The following DDR1 variants were observed in gnomAD, a reference collection of about 807,000 sequenced individuals.
DDR1 encodes the protein discoidin domain receptor tyrosine kinase 1, also known as epithelial discoidin domain-containing receptor 1.
Under a neutral mutation model 97.4 loss-of-function variants are expected in DDR1, and 64 were observed. The observed-to-expected ratio is 0.66, with a 90% CI of 0.54 to 0.81. The LOEUF is 0.81. DDR1 is among the 30% of genes least tolerant of loss of function. The pLI is 0.00. For synonymous variants in DDR1, 458 were observed against 503.7 expected (o/e 0.91, Z 1.21); for missense variants, 990 against 1,259.6 (o/e 0.79, Z 3.24).
At chr6:30,899,073 G>C (rs770720488) in intron 17 of DDR1, 36 bp downstream of exon 17, 30 of 1,613,998 alleles carry the variant, frequency 1.9e-5, no homozygotes, top group Non-Finnish European at 2.4e-5. Context: ...GGTCCGAGGC[G>C]GGGGACAGAA....
chr6:30,882,093 G>T (rs1268356799), upstream of DDR1: 1 of 152,548 alleles, frequency 6.6e-6, no homozygotes, highest in Non-Finnish European at 1.5e-5. The surrounding 1 kb of genome is among the most constrained non-coding windows in gnomAD (Gnocchi z 4.8). Flanking sequence ...TCCTCCAGAG[G>T]CAGCTGCAGC....
rs1167429962 is a variant in DDR1 at position 30,898,982 on chromosome 6, C to T, written c.2546C>T (p.Thr849Ile). 6.2e-7 allele frequency: 1 copy of T among 1,614,132 alleles called. No homozygotes were observed. The highest frequency in any genetic ancestry group is 8.5e-7 in the Non-Finnish European group (1 of 1,180,012). The part of the protein sequence containing the change: ...LCRAQPFGQL[T>I]DEQVIENAGE... ...AGGGCCCAGCCCTTTGGGCAGCTCA[C>T]CGACGAGCAGGTCATCGAGAACGCG... The change falls in exon 17 of 18, where the codon ACC becomes ATC. Residue 849 changes from threonine to isoleucine, a missense_variant. Physicochemically the swap from Thr to Ile is moderately conservative, Grantham distance 89. Coordinates refer to ENST00000376568, the MANE Select transcript of DDR1 (RefSeq NM_001297654.2).
Position 30,889,116 on chromosome 6 carries a change from G to A in DDR1, c.189-86G>A, listed in dbSNP as rs1392331656. On this transcript the variant is annotated intron_variant, in intron 3 of 17. Transcript: ENST00000376568. This position sits in a 1 kb window ranked among gnomAD's most constrained non-coding sequence, Gnocchi z 4.9. ...CATGCCAGTGAAACCCCTGCAGGCTGAGGGGGCAAATGAAGTGGGGTTTAA... is the reference window on the plus strand; with the variant it reads ...CATGCCAGTGAAACCCCTGCAGGCTAAGGGGGCAAATGAAGTGGGGTTTAA... 6.3e-7 allele frequency: 1 copy of A among 1,578,370 alleles called. No individual in the cohort carries two copies. The highest frequency in any genetic ancestry group is 1.3e-5 in the African/African-American group (1 of 74,198).
In DDR1 at chr6:30,889,533, C is replaced by T. The variant is rs866563288; in HGVS notation, c.417+103C>T. ...CTGACGACTCTCCAGTTTATATCAT[C>T]TCCAGACTAAGCCTCTCAGCTGAGC... is the stretch of plus-strand genomic sequence containing the variant. On this transcript the variant is annotated intron_variant, in intron 4 of 17. Coordinates refer to ENST00000376568, the MANE Select transcript of DDR1 (RefSeq NM_001297654.2). This position sits in a 1 kb window ranked among gnomAD's most constrained non-coding sequence, Gnocchi z 4.9. 41 of 833,006 alleles carry T rather than the reference C, an allele frequency of 4.9e-5. No homozygotes were observed. The Middle Eastern group carries it at 1.1e-3, about 21-fold the overall frequency. 51.6% of individuals were successfully genotyped at this position (833,006 alleles called of 1,614,324 possible). A position where few individuals can be genotyped will look rare whatever the true frequency, so the allele number is the denominator to read the frequency against.
intron 12 of DDR1, 51 bp downstream of exon 12, chr6:30,895,565 G>T: frequency 8.1e-7 from 1 of 1,237,608 alleles, no homozygotes; most frequent in Non-Finnish European, 1.1e-6. Flanking sequence ...CCTCTACTGG[G>T]GCAGGGAAAA....
At chr6:30,893,496 C>T in intron 10 of DDR1, 73 bp downstream of exon 10, 2 of 1,528,504 alleles carry the variant, frequency 1.3e-6, no homozygotes, top group Non-Finnish European at 8.7e-7. Context: ...CCAGTGGGAC[C>T]TGCAGGGCAC....
In DDR1 at chr6:30,889,710, C is replaced by T. The variant is rs938023226; in HGVS notation, c.417+280C>T. 4.6e-5 allele frequency among the ~76,000 whole-genome samples: 7 copies of T among 151,774 alleles called. No individual in the cohort carries two copies. Among genetic ancestry groups the T allele is most frequent in the Non-Finnish European group, 8.8e-5 (6 of 67,966 alleles). On this transcript the variant is annotated intron_variant, in intron 4 of 17. Coordinates refer to ENST00000376568, the MANE Select transcript of DDR1 (RefSeq NM_001297654.2). The surrounding 1 kb of genome is among the most constrained non-coding windows in gnomAD (Gnocchi z 4.9). The stretch of plus-strand genomic sequence containing the variant: ...CCTCCCACCTTAGCCTCCCAAAGTG[C>T]TGGGATTACAAGCACTGTAGCCAGC...
intron 1 of DDR1, chr6:30,885,696 T>C: frequency 7.6e-7 from 1 of 1,311,562 alleles, no homozygotes; most frequent in South Asian, 1.2e-5. Context: ...GACGGGTTGA[T>C]GTATGCATGA....
chr6:30,891,856 T>A lies in DDR1; in HGVS notation c.666-146T>A. ...GGAGAGAGGAGAAGGGCCAGCTGCA[T>A]GAGTGTGAGGTGGGATGGGAATGGG... On this transcript the variant is annotated intron_variant, in intron 6 of 17. Transcript: ENST00000376568. This position sits in a 1 kb window ranked among gnomAD's most constrained non-coding sequence, Gnocchi z 5.3. 1 of 855,354 alleles carries A rather than the reference T, an allele frequency of 1.2e-6. No individual in the cohort carries two copies. Among genetic ancestry groups the A allele is most frequent in the South Asian group, 1.6e-5 (1 of 63,984 alleles). The allele number at this position is 855,354 out of a possible 1,614,324, so 53.0% of individuals were successfully genotyped here. A position where few individuals can be genotyped will look rare whatever the true frequency, so the allele number is the denominator to read the frequency against.
chr6:30,893,417 C>T lies in DDR1; in HGVS notation c.1341C>T (p.Leu447=), dbSNP rs764892447. 2 of 1,603,132 alleles carry T rather than the reference C, an allele frequency of 1.2e-6. No homozygotes were observed. The highest frequency in any genetic ancestry group is 1.7e-6 in the Non-Finnish European group (2 of 1,179,416). Residue 447 remains leucine, a synonymous_variant, in exon 10 of 18, where the codon CTC becomes CTT. Coordinates refer to ENST00000376568, the MANE Select transcript of DDR1 (RefSeq NM_001297654.2). The part of the protein sequence containing the change: ...MLWRLHWRRL[L]SKAERRVLEE... Reference sequence around the variant, plus strand: ...GGCGGCTGCACTGGCGCAGGCTCCTCAGCAAGGTGGGCACAGCCGTGGCAT... The same window carrying T: ...GGCGGCTGCACTGGCGCAGGCTCCTTAGCAAGGTGGGCACAGCCGTGGCAT...
Position 30,895,384 on chromosome 6 carries a change from C to A in DDR1, c.1514-20C>A. 6.3e-7 allele frequency: 1 copy of A among 1,590,992 alleles called. No individual in the cohort carries two copies. The highest frequency in any genetic ancestry group is 8.6e-7 in the Non-Finnish European group (1 of 1,164,508). On this transcript the variant is annotated intron_variant, in intron 11 of 17. Coordinates refer to ENST00000376568, the MANE Select transcript of DDR1 (RefSeq NM_001297654.2). ...AGTCTCATCCCTTCCCCGTGTTTCC[C>A]CTCCTCCTTCTCCCGACAGCGTTGC...
intron 1 of DDR1, among the ~76,000 whole-genome samples, chr6:30,887,481 C>G (rs1017556679): frequency 2.0e-5 from 3 of 152,162 alleles, no homozygotes; most frequent in African/African-American, 7.2e-5. Context: ...GACGTACACA[C>G]AGGTATATAT....
Position 30,894,263 on chromosome 6 carries a change from CA to C in DDR1, c.1348-233del, listed in dbSNP as rs540154523. 3.8e-4 allele frequency among the ~76,000 whole-genome samples: 56 copies of C among 146,502 alleles called. No individual in the cohort carries two copies. Among genetic ancestry groups the C allele is most frequent in the African/African-American group, 1.2e-3 (50 of 40,064 alleles). ...ATTCCATCTCAAAAAAACAAACAAA[CA>C]AAAAAAAAACGGTTGATAGTTATGG... On this transcript the variant is annotated intron_variant, in intron 10 of 17. Transcript: ENST00000376568. This position sits in a 1 kb window ranked among gnomAD's most constrained non-coding sequence, Gnocchi z 5.7.
In DDR1 at chr6:30,898,090, A is replaced by T. The variant is rs775002417; in HGVS notation, c.2234A>T (p.His745Leu). ...CTTCTCAGCTACCCAATGCTGCTGC[A>T]TGTGGCAGCCCAGATCGCCTCCGGC... Reference protein sequence around the residue: ...GPTISYPMLLHVAAQIASGMR... With the variant: ...GPTISYPMLLLVAAQIASGMR... The change falls in exon 16 of 18, where the codon CAT becomes CTT. Residue 745 changes from histidine to leucine, a missense_variant. By Grantham distance (99) the His-to-Leu change is moderately conservative (BLOSUM62 -3). Transcript: ENST00000376568. 1 of 1,614,044 alleles carries T rather than the reference A, an allele frequency of 6.2e-7. No individual in the cohort carries two copies. The highest frequency in any genetic ancestry group is 1.1e-5 in the South Asian group (1 of 91,086).
rs1785144461 is a variant in DDR1 at position 30,884,755 on chromosome 6, C to T, written c.-43+45C>T. 1 of 164,750 alleles carries T rather than the reference C, an allele frequency of 6.1e-6. No individual in the cohort carries two copies. Among genetic ancestry groups the T allele is most frequent in the African/African-American group, 2.4e-5 (1 of 41,788 alleles). The allele number at this position is 164,750 out of a possible 1,614,324, so 10.2% of individuals were successfully genotyped here. ...AACCCGCGGGCGGAGGCCTGGGGCT[C>T]TTGGGGTGGGGGCGCGCGGCGGCGC... On this transcript the variant is annotated intron_variant, in intron 1 of 17. Coordinates refer to ENST00000376568, the MANE Select transcript of DDR1 (RefSeq NM_001297654.2). The surrounding 1 kb of genome is among the most constrained non-coding windows in gnomAD (Gnocchi z 6.1).
intron 15 of DDR1, 69 bp from the exon 16 acceptor site, chr6:30,898,002 GCT>G (rs1388574524): frequency 1.6e-6 from 2 of 1,238,156 alleles, no homozygotes; most frequent in Non-Finnish European, 2.3e-6. Flanking sequence ...CGGGGAGTGG[GCT>G]CTCTCTCCTC....
At position 30,889,536 on chromosome 6, in the gene DDR1, C is replaced by T; in HGVS notation, c.417+106C>T. 1.3e-6 allele frequency: 1 copy of T among 793,736 alleles called. No homozygotes were observed. Among genetic ancestry groups the T allele is most frequent in the Non-Finnish European group, 1.9e-6 (1 of 528,930 alleles). 49.2% of individuals were successfully genotyped at this position (793,736 alleles called of 1,614,324 possible). On this transcript the variant is annotated intron_variant, in intron 4 of 17. Transcript: ENST00000376568. This position sits in a 1 kb window ranked among gnomAD's most constrained non-coding sequence, Gnocchi z 4.9. The stretch of plus-strand genomic sequence containing the variant: ...ACGACTCTCCAGTTTATATCATCTC[C>T]AGACTAAGCCTCTCAGCTGAGCTCC...
At chr6:30,898,736 G>C (rs1791849545) in intron 16 of DDR1, 152 bp from the exon 17 acceptor site, 6 of 799,928 alleles carry the variant, frequency 7.5e-6, no homozygotes, top group Non-Finnish European at 1.2e-5. Context: ...AGTTGGAAAA[G>C]GTGGCCAGCG....
In DDR1 at chr6:30,899,030, G is replaced by A. The variant is rs2150476643; in HGVS notation, c.2594G>A (p.Gly865Asp). 6.2e-7 allele frequency: 1 copy of A among 1,614,090 alleles called. No homozygotes were observed. Among genetic ancestry groups the A allele is most frequent in the Non-Finnish European group, 8.5e-7 (1 of 1,179,994 alleles). The part of the protein sequence containing the change: ...ENAGEFFRDQ[G>D]RQVYLSRPPA... Reference sequence around the variant, plus strand: ...GCGGGGGAGTTCTTCCGGGACCAGGGCCGGCAGGTCAGAGTGGAGGAGAGG... The same window carrying A: ...GCGGGGGAGTTCTTCCGGGACCAGGACCGGCAGGTCAGAGTGGAGGAGAGG... Residue 865 changes from glycine to aspartate, a missense_variant, in exon 17 of 18, where the codon GGC (glycine) becomes GAC (aspartate). Coordinates refer to ENST00000376568, the MANE Select transcript of DDR1 (RefSeq NM_001297654.2).
Sources: allele counts gnomAD v4.1 joint callset (sites outside exome capture counted in the v4.1 genomes callset), GRCh38; gene constraint gnomAD v4.1.1; non-coding constraint Gnocchi (gnomAD v3.1); transcripts MANE v1.5; gene names NCBI Gene and HGNC (gene_info 2026-07-23, HGNC 2026-07-21).